Variants in LEF1 observed in about 807,000 individuals in gnomAD.
The protein encoded by LEF1 is lymphoid enhancer binding factor 1.
Under a neutral mutation model 51.2 loss-of-function variants are expected in LEF1, and 14 were observed. That is an observed-to-expected ratio of 0.27 (90% CI 0.18 to 0.43). The LOEUF (loss-of-function observed/expected upper bound fraction) is 0.43. Among genes scored for constraint, LEF1 ranks in the 20% least tolerant of loss-of-function variants. LEF1 has a pLI of 1.00. For synonymous variants in LEF1, 185 were observed against 183.2 expected, an observed-to-expected ratio of 1.01 and a Z score of -0.08; for missense variants, 386 against 512.0, an observed-to-expected ratio of 0.75 and a Z score of 2.37.
intron 3 of LEF1, among the ~76,000 whole-genome samples, chr4:108,141,597 C>T (rs1256221508): frequency 6.6e-6 from 1 of 152,116 alleles, no homozygotes. Context: ...TCAATGCAAG[C>T]GAGTGGCAGC....
intron 3 of LEF1, among the ~76,000 whole-genome samples, chr4:108,140,692 G>A (rs963635725): frequency 1.3e-5 from 2 of 152,162 alleles, no homozygotes; most frequent in African/African-American, 4.8e-5. Flanking sequence ...TTACTCCTAC[G>A]CCTTTGTTAG....
chr4:108,098,707 T>C (rs570118565), intron 3 of LEF1, among the ~76,000 whole-genome samples: 3 of 152,326 alleles, frequency 2.0e-5, no homozygotes, highest in Non-Finnish European at 2.9e-5. Flanking sequence ...TTGGGTGTTT[T>C]AGTAAGTGAA....
At chr4:108,113,996 G>GT (rs955088421) in intron 3 of LEF1, among the ~76,000 whole-genome samples, 6 of 151,924 alleles carry the variant, frequency 3.9e-5, no homozygotes, top group African/African-American at 9.7e-5. Flanking sequence ...GCAATCTGGA[G>GT]TTTTTTTTAA....
intron 9 of LEF1, among the ~76,000 whole-genome samples, chr4:108,070,202 C>T (rs1738369524): frequency 6.6e-6 from 1 of 151,950 alleles, no homozygotes; most frequent in East Asian, 1.9e-4. Context: ...TAGACATAAA[C>T]ACTGTGCCAT....
chr4:108,066,136 C>G (rs1035496893), intron 9 of LEF1, among the ~76,000 whole-genome samples: 12 of 152,182 alleles, frequency 7.9e-5, no homozygotes, highest in Non-Finnish European at 5.9e-5. Context: ...CTCCTGACCT[C>G]AAGTAATCCG....
chr4:108,078,274 A>G lies in LEF1; in HGVS notation c.954T>C (p.Val318=), dbSNP rs758067581. Residue 318 remains valine, a synonymous_variant, in exon 8 of 12, where the codon GTT becomes GTC. Coordinates refer to ENST00000265165, the MANE Select transcript of LEF1 (RefSeq NM_016269.5). The part of the protein sequence containing the change: ...LYMKEMRANV[V]AECTLKESAA... ...CACTTTCTTTTAGAGTACACTCAGC[A>G]ACGACATTCGCTCTCATTTCTTTCA... 8 of 1,614,088 alleles carry G rather than the reference A, an allele frequency of 5.0e-6. No homozygotes were observed. The highest frequency in any genetic ancestry group is 8.5e-7 in the Non-Finnish European group (1 of 1,180,048).
chr4:108,160,574 A>G (rs1244713945), intron 3 of LEF1, among the ~76,000 whole-genome samples: 1 of 152,192 alleles, frequency 6.6e-6, no homozygotes, highest in Non-Finnish European at 1.5e-5. Flanking sequence ...TTTCTGGTAT[A>G]GACACATTCA....
At chr4:108,117,569 G>A (rs1041143986) in intron 3 of LEF1, among the ~76,000 whole-genome samples, 21 of 152,252 alleles carry the variant, frequency 1.4e-4, no homozygotes, top group Non-Finnish European at 2.6e-4. Flanking sequence ...CTCCATTTGA[G>A]CTACAGCTTC....
intron 3 of LEF1, among the ~76,000 whole-genome samples, chr4:108,106,668 C>T (rs978781072): frequency 9.9e-5 from 15 of 152,152 alleles, no homozygotes; most frequent in Non-Finnish European, 2.2e-4. Flanking sequence ...GACTCTAAAG[C>T]TCAACTTCTG....
At position 108,058,710 on chromosome 4, in the gene LEF1, T is replaced by C. The variant is rs547776730; in HGVS notation, c.*6+4913A>G. ...CACTTCTTCACAGCATAAAACATAC[T>C]CTTTTATAACTACCCACTTAATATG... is the stretch of plus-strand genomic sequence containing the variant. On this transcript the variant is annotated intron_variant, in intron 11 of 11. Transcript: ENST00000265165. 2.0e-5 allele frequency among the ~76,000 whole-genome samples: 3 copies of C among 152,348 alleles called. No homozygotes were observed. The South Asian group carries it at 6.2e-4, about 32-fold the overall frequency.
chr4:108,166,069 G>C (rs576701462), intron 1 of LEF1, among the ~76,000 whole-genome samples: 1 of 152,208 alleles, frequency 6.6e-6, no homozygotes, highest in Non-Finnish European at 1.5e-5. Context: ...CAAAAAGCCT[G>C]TGTTTTGGAT....
intron 6 of LEF1, among the ~76,000 whole-genome samples, chr4:108,079,852 C>A (rs115933424): frequency 6.6e-6 from 1 of 151,628 alleles, no homozygotes; most frequent in African/African-American, 2.4e-5. Flanking sequence ...AGGAATTTCA[C>A]GAAAAGTAAT....
intron 3 of LEF1, among the ~76,000 whole-genome samples, chr4:108,162,906 T>G (rs1745153083): frequency 6.6e-6 from 1 of 152,206 alleles, no homozygotes; most frequent in Non-Finnish European, 1.5e-5. Context: ...CCTGAAATTC[T>G]TTATAATGTT....
chr4:108,146,147 G>A (rs1197526427), intron 3 of LEF1, among the ~76,000 whole-genome samples: 1 of 152,240 alleles, frequency 6.6e-6, no homozygotes, highest in East Asian at 1.9e-4. Context: ...TTCTCCATGA[G>A]TAAAAACAAC....
At chr4:108,060,781 T>C (rs1331339326) in intron 11 of LEF1, among the ~76,000 whole-genome samples, 1 of 151,984 alleles carries the variant, frequency 6.6e-6, no homozygotes, top group Non-Finnish European at 1.5e-5. Context: ...CACAGCAACA[T>C]AACAAGCACT....
intron 11 of LEF1, among the ~76,000 whole-genome samples, chr4:108,056,686 A>G (rs1737322271): frequency 6.6e-6 from 1 of 152,184 alleles, no homozygotes; most frequent in Non-Finnish European, 1.5e-5. Flanking sequence ...ACACAAGCAT[A>G]AAAAGAAGGA....
chr4:108,121,856 A>G (rs1742199165), intron 3 of LEF1, among the ~76,000 whole-genome samples: 1 of 152,132 alleles, frequency 6.6e-6, no homozygotes, highest in African/African-American at 2.4e-5. Context: ...GCTGCACATC[A>G]CTGGTTTTGA....
At chr4:108,102,585 T>G (rs1238607326) in intron 3 of LEF1, among the ~76,000 whole-genome samples, 1 of 152,152 alleles carries the variant, frequency 6.6e-6, no homozygotes, top group African/African-American at 2.4e-5. Context: ...GTCAGTTGCA[T>G]AGACATAAAG....
chr4:108,066,738 T>C (rs1056898593), intron 9 of LEF1, among the ~76,000 whole-genome samples: 1 of 152,192 alleles, frequency 6.6e-6, no homozygotes, highest in African/African-American at 2.4e-5. Flanking sequence ...AATTCATGTA[T>C]GGTAAAAACA....
Sources: allele counts gnomAD v4.1 joint callset (sites outside exome capture counted in the v4.1 genomes callset), GRCh38; gene constraint gnomAD v4.1.1; transcripts MANE v1.5; gene names NCBI Gene and HGNC (gene_info 2026-07-23, HGNC 2026-07-21).